The following ZEB1 variants were observed in gnomAD, a reference collection of about 807,000 sequenced individuals.
ZEB1 encodes the protein zinc finger E-box binding homeobox 1, also known as zinc finger E-box-binding homeobox 1.
ZEB1 carries 21 observed loss-of-function variants against 84.9 expected under a neutral mutation model. The ratio of observed to expected loss-of-function variants is 0.25; its 90% CI spans 0.18 to 0.36. The LOEUF (loss-of-function observed/expected upper bound fraction) is 0.36. Ranked by LOEUF, ZEB1 falls within the 10% of genes least tolerant of loss-of-function variation. The pLI is 1.00. For missense variants in ZEB1, 1,104 were observed against 1,330.2 expected (o/e 0.83, Z 2.65); for synonymous variants, 420 against 471.1 (o/e 0.89, Z 1.41).
intron 4 of ZEB1, among the ~76,000 whole-genome samples, chr10:31,509,884 C>G (rs755629380): frequency 6.6e-6 from 1 of 152,062 alleles, no homozygotes; most frequent in Non-Finnish European, 1.5e-5. Flanking sequence ...TTAGACAGCT[C>G]CAAGTGTAAA....
intron 1 of ZEB1, among the ~76,000 whole-genome samples, chr10:31,385,404 C>G (rs2048441781): frequency 6.6e-6 from 1 of 152,186 alleles, no homozygotes; most frequent in Non-Finnish European, 1.5e-5. Context: ...TCTGATTCTA[C>G]TGGCCTTACA....
intron 1 of ZEB1, among the ~76,000 whole-genome samples, chr10:31,384,672 G>A (rs1417842812): frequency 6.6e-6 from 1 of 152,190 alleles, no homozygotes; most frequent in Non-Finnish European, 1.5e-5. Flanking sequence ...ATTTGCAGGT[G>A]AAATGAAAAA....
chr10:31,453,392 G>T (rs1414491838), intron 1 of ZEB1, among the ~76,000 whole-genome samples: 2 of 152,106 alleles, frequency 1.3e-5, no homozygotes, highest in African/African-American at 4.8e-5. Context: ...AATAAATGAT[G>T]ATAGTGAGAT....
chr10:31,319,171 TG>T (rs1270505727), upstream of ZEB1: 50 of 454,512 alleles, frequency 1.1e-4, no homozygotes, highest in South Asian at 3.5e-4. Flanking sequence ...GGCGGAGGGG[TG>T]GGGGGGAAGG....
At chr10:31,380,572 G>A (rs918054241) in intron 1 of ZEB1, among the ~76,000 whole-genome samples, 1 of 152,068 alleles carries the variant, frequency 6.6e-6, no homozygotes, top group African/African-American at 2.4e-5. Flanking sequence ...AATCAATTCT[G>A]TCATTAGGGT....
chr10:31,443,300 T>G (rs1471155475), intron 1 of ZEB1, among the ~76,000 whole-genome samples: 3 of 152,174 alleles, frequency 2.0e-5, no homozygotes, highest in Non-Finnish European at 4.4e-5. Flanking sequence ...TTTCACAATT[T>G]GTCGTTTGTC....
chr10:31,368,280 A>G (rs763373393), intron 1 of ZEB1, among the ~76,000 whole-genome samples: 1 of 151,918 alleles, frequency 6.6e-6, no homozygotes, highest in Non-Finnish European at 1.5e-5. Flanking sequence ...TCAGCCTCCC[A>G]AGTTAGCTGG....
intron 1 of ZEB1, among the ~76,000 whole-genome samples, chr10:31,428,486 C>G (rs1291199356): frequency 1.3e-5 from 2 of 152,128 alleles, no homozygotes; most frequent in African/African-American, 4.8e-5. Context: ...ATTATGTGAG[C>G]AGTTTTAGAG....
At chr10:31,457,070 T>G (rs1208762926) in intron 1 of ZEB1, among the ~76,000 whole-genome samples, 1 of 152,218 alleles carries the variant, frequency 6.6e-6, no homozygotes, top group Non-Finnish European at 1.5e-5. Context: ...TAAAACTGTT[T>G]ACCATATTTT....
chr10:31,378,673 G>T (rs997916291), intron 1 of ZEB1, among the ~76,000 whole-genome samples: 4 of 151,710 alleles, frequency 2.6e-5, no homozygotes, highest in Non-Finnish European at 5.9e-5. Flanking sequence ...GCGGTGTATT[G>T]GGGAAAAAAT....
intron 2 of ZEB1, among the ~76,000 whole-genome samples, chr10:31,477,189 C>G (rs1460495276): frequency 2.6e-5 from 4 of 151,964 alleles, no homozygotes; most frequent in Non-Finnish European, 5.9e-5. Flanking sequence ...TGATAAACAA[C>G]TTCAGTAAAG....
chr10:31,425,291 C>T (rs1461922161), intron 1 of ZEB1, among the ~76,000 whole-genome samples: 1 of 151,942 alleles, frequency 6.6e-6, no homozygotes, highest in Admixed American at 6.6e-5. Flanking sequence ...AATTTTGAAA[C>T]CATTACTTAA....
At chr10:31,344,618 G>T (rs775849056) in intron 1 of ZEB1, among the ~76,000 whole-genome samples, 2 of 152,128 alleles carry the variant, frequency 1.3e-5, no homozygotes, top group Non-Finnish European at 2.9e-5. Flanking sequence ...TAAGAAGGTT[G>T]TAGGGGACCA....
chr10:31,504,392 G>A (rs2068602743), intron 4 of ZEB1, among the ~76,000 whole-genome samples: 1 of 152,014 alleles, frequency 6.6e-6, no homozygotes, highest in Non-Finnish European at 1.5e-5. Context: ...GTAGTGCGAT[G>A]TCTCCAGCTT....
At chr10:31,464,870 T>C (rs1439419742) in intron 2 of ZEB1, among the ~76,000 whole-genome samples, 1 of 152,106 alleles carries the variant, frequency 6.6e-6, no homozygotes, top group Non-Finnish European at 1.5e-5. Context: ...TAAGAAAAAC[T>C]GAAGGCAGTT....
intron 1 of ZEB1, chr10:31,361,162 G>T: frequency 1.9e-6 from 3 of 1,611,944 alleles, no homozygotes; most frequent in South Asian, 2.2e-5. Context: ...AGAACCTCTT[G>T]TTCCTCCTGT....
chr10:31,477,371 C>A (rs1021600562), intron 2 of ZEB1, among the ~76,000 whole-genome samples: 1 of 151,690 alleles, frequency 6.6e-6, no homozygotes, highest in African/African-American at 2.4e-5. Context: ...GAAGATTACA[C>A]AAATGGAAAA....
chr10:31,324,820 T>TA (rs2035096514), intron 1 of ZEB1, among the ~76,000 whole-genome samples: 1 of 152,076 alleles, frequency 6.6e-6, no homozygotes, highest in Non-Finnish European at 1.5e-5. Flanking sequence ...TTGTACATAT[T>TA]ACTGGCTAAA....
chr10:31,496,027 A>C (rs976151640), intron 3 of ZEB1, among the ~76,000 whole-genome samples, 189 bp downstream of exon 3: 1 of 152,130 alleles, frequency 6.6e-6, no homozygotes, highest in Non-Finnish European at 1.5e-5. Context: ...AATACAGAGT[A>C]ACTTACAGAT....
Sources: allele counts gnomAD v4.1 joint callset (sites outside exome capture counted in the v4.1 genomes callset), GRCh38; gene constraint gnomAD v4.1.1; transcripts MANE v1.5; gene names NCBI Gene and HGNC (gene_info 2026-07-23, HGNC 2026-07-21).